The following KAZN variants were observed in gnomAD, a reference collection of about 807,000 sequenced individuals.
KAZN encodes kazrin.
In KAZN, 40 loss-of-function variants were observed where a neutral mutation model predicts 87.4. The observed-to-expected ratio is 0.46, with a 90% CI of 0.36 to 0.60. The LOEUF is 0.60. KAZN is among the 20% of genes least tolerant of loss of function. The pLI is 0.00. For missense variants in KAZN, 898 were observed against 1,073.9 expected (o/e 0.84, Z 2.29); for synonymous variants, 466 against 458.3 (o/e 1.02, Z -0.22).
chr1:14,879,165 T>C (rs1467981478), intron 1 of KAZN, among the ~76,000 whole-genome samples: 1 of 152,190 alleles, frequency 6.6e-6, no homozygotes, highest in East Asian at 1.9e-4. Context: ...GCTGCGTCGG[T>C]CCCTGAGTGC....
chr1:15,034,748 G>A lies in KAZN; in HGVS notation c.419-1G>A. On this transcript the variant is annotated splice_acceptor_variant, in intron 2 of 14. Coordinates refer to ENST00000376030, the MANE Select transcript of KAZN (RefSeq NM_201628.3). LOFTEE classifies it high-confidence loss of function. The stretch of plus-strand genomic sequence containing the variant: ...GAACTAACTCTCTCCTTTATCCCCA[G>A]CCATGAAAGCTGATCGGAAGCGCTT... 6.2e-7 allele frequency: 1 copy of A among 1,614,160 alleles called. No homozygotes were observed. Among genetic ancestry groups the A allele is most frequent in the Non-Finnish European group, 8.5e-7 (1 of 1,180,010 alleles).
chr1:14,851,948 G>A (rs536162451), intron 1 of KAZN, among the ~76,000 whole-genome samples: 3 of 152,308 alleles, frequency 2.0e-5, no homozygotes, highest in Non-Finnish European at 2.9e-5. Context: ...CAGGTCCTCC[G>A]GAAGAGTTTG....
At chr1:14,045,230 T>C (rs1382035948) in intron 1 of KAZN, among the ~76,000 whole-genome samples, 3 of 152,194 alleles carry the variant, frequency 2.0e-5, no homozygotes, top group African/African-American at 7.2e-5. Context: ...TTTCAGCCAC[T>C]AAGTGTTGGG....
At chr1:14,099,755 G>A (rs539353146) in intron 1 of KAZN, among the ~76,000 whole-genome samples, 6 of 152,246 alleles carry the variant, frequency 3.9e-5, no homozygotes, top group African/African-American at 1.2e-4. Flanking sequence ...AAAAGTGGCC[G>A]CTTTCTGCTC....
chr1:14,264,670 CTG>C (rs796690508), intron 2 of KAZN, among the ~76,000 whole-genome samples: 7 of 152,310 alleles, frequency 4.6e-5, no homozygotes, highest in African/African-American at 1.7e-4. Flanking sequence ...GCCTTCAGCA[CTG>C]TGAGAAGTAA....
intron 1 of KAZN, among the ~76,000 whole-genome samples, chr1:14,885,487 T>C (rs1438585677): frequency 6.6e-6 from 1 of 152,226 alleles, no homozygotes. Context: ...ACTCTGACAC[T>C]GCACCCTTTA....
At chr1:14,528,487 T>C (rs1672032830) in intron 2 of KAZN, among the ~76,000 whole-genome samples, 1 of 152,004 alleles carries the variant, frequency 6.6e-6, no homozygotes, top group Admixed American at 6.6e-5. Context: ...CTTTCATATT[T>C]TTAAAGACAG....
intron 1 of KAZN, among the ~76,000 whole-genome samples, chr1:14,003,868 T>C (rs1372214312): frequency 6.6e-6 from 1 of 152,082 alleles, no homozygotes; most frequent in African/African-American, 2.4e-5. Flanking sequence ...AAAAAGGAAC[T>C]GGTAAATAGG....
chr1:15,000,876 GGAGAATCACTT>G (rs1227337096), intron 2 of KAZN, among the ~76,000 whole-genome samples: 1 of 151,858 alleles, frequency 6.6e-6, no homozygotes, highest in Non-Finnish European at 1.5e-5. Context: ...GGCCAAGGCG[GGAGAATCACTT>G]GAGCCCAAAA....
intron 1 of KAZN, among the ~76,000 whole-genome samples, chr1:13,996,160 T>A (rs965838244): frequency 6.6e-6 from 1 of 152,146 alleles, no homozygotes; most frequent in African/African-American, 2.4e-5. Flanking sequence ...GTGAGCGTGC[T>A]ACCCAGCTGG....
At chr1:14,728,234 C>T (rs1056196857) in intron 1 of KAZN, among the ~76,000 whole-genome samples, 12 of 143,150 alleles carry the variant, frequency 8.4e-5, no homozygotes, top group Non-Finnish European at 1.2e-4. Context: ...TGCAGTGAGC[C>T]GAGATTGTGC....
chr1:15,056,361 T>C lies in KAZN; in HGVS notation c.916+81T>C. 7.1e-7 allele frequency: 1 copy of C among 1,412,558 alleles called. No homozygotes were observed. Among genetic ancestry groups the C allele is most frequent in the Non-Finnish European group, 9.6e-7 (1 of 1,046,720 alleles). The allele number at this position is 1,412,558 out of a possible 1,614,324, so 87.5% of individuals were successfully genotyped here. ...CATCTGACCCAGTGGGAGAGGCAGC[T>C]GCTTTGTTCGTACTACAGCAGCTTG... On this transcript the variant is annotated intron_variant, in intron 5 of 14. Transcript: ENST00000376030. The surrounding 1 kb of genome is among the most constrained non-coding windows in gnomAD (Gnocchi z 5.4).
chr1:14,594,744 C>G (rs1349432232), upstream of KAZN, among the ~76,000 whole-genome samples: 1 of 152,190 alleles, frequency 6.6e-6, no homozygotes, highest in Non-Finnish European at 1.5e-5. Flanking sequence ...CTTCTCCCAA[C>G]AGTTTGCAGG....
intron 2 of KAZN, among the ~76,000 whole-genome samples, chr1:14,448,353 G>C (rs1394741260): frequency 6.6e-6 from 1 of 152,202 alleles, no homozygotes; most frequent in African/African-American, 2.4e-5. Context: ...AGTGGCAAAG[G>C]CCAAGAGGGA....
At chr1:13,913,276 A>G (rs1311729226) in intron 1 of KAZN, among the ~76,000 whole-genome samples, 1 of 152,138 alleles carries the variant, frequency 6.6e-6, no homozygotes, top group African/African-American at 2.4e-5. Context: ...GTTTTGGTAT[A>G]AACTAGCAGA....
chr1:14,052,865 T>C (rs990809752), intron 1 of KAZN, among the ~76,000 whole-genome samples: 3 of 152,206 alleles, frequency 2.0e-5, no homozygotes, highest in South Asian at 4.1e-4. Flanking sequence ...GAAGTGCTCC[T>C]GTACCCATCT....
intron 2 of KAZN, among the ~76,000 whole-genome samples, chr1:14,519,408 G>C (rs1410509506): frequency 6.6e-6 from 1 of 152,192 alleles, no homozygotes; most frequent in Non-Finnish European, 1.5e-5. Flanking sequence ...GGACTTGTCT[G>C]AGAAAAGCAG....
chr1:14,048,740 C>T (rs1012464448), intron 1 of KAZN, among the ~76,000 whole-genome samples: 5 of 152,188 alleles, frequency 3.3e-5, no homozygotes, highest in Non-Finnish European at 5.9e-5. Flanking sequence ...CTCCCACTTC[C>T]TGTTTAAAAC....
In KAZN at chr1:14,877,584, T is replaced by G. The variant is rs183701265; in HGVS notation, c.227-83100T>G. Among the ~76,000 whole-genome samples, 575 of 152,252 alleles carry G rather than the reference T, an allele frequency of 3.8e-3. 6 individuals carry two copies. Among genetic ancestry groups the G allele is most frequent in the Non-Finnish European group, 3.2e-3 (219 of 68,024 alleles). On this transcript the variant is annotated intron_variant, in intron 1 of 14. Transcript: ENST00000376030. ...ACAAGTCCTTGGTCACGGCAAAGAC[T>G]CCGAAAGCCTGTGACAGCTTGGGTT...
Sources: gnomAD v4.1 joint callset for allele counts (sites outside exome capture counted in the v4.1 genomes callset) on GRCh38, gnomAD v4.1.1 for gene constraint, Gnocchi (gnomAD v3.1) non-coding constraint, MANE v1.5 for transcripts, NCBI Gene and HGNC (gene_info 2026-07-23, HGNC 2026-07-21) for gene names.